Variants in RIN2 observed in about 807,000 individuals in gnomAD.
RIN2 encodes the protein RAB5 interacting protein 2.
In RIN2, 36 loss-of-function variants were observed where a neutral mutation model predicts 78.0. The ratio of observed to expected loss-of-function variants is 0.46; its 90% CI spans 0.35 to 0.61. The LOEUF is 0.61. Ranked by LOEUF, RIN2 falls within the 20% of genes least tolerant of loss-of-function variation. RIN2 has a pLI of 0.00. For synonymous variants in RIN2, 466 were observed against 466.8 expected (o/e 1.00, Z 0.02); for missense variants, 1,087 against 1,159.7 (o/e 0.94, Z 0.91).
Position 20,001,043 on chromosome 20 carries a change from C to G in RIN2, c.*107C>G, listed in dbSNP as rs2043129406. On this transcript the variant is annotated 3_prime_UTR_variant, in exon 13 of 13. Transcript: ENST00000255006. ...AAAGCAGTCACCTCCTCGGGGACCC[C>G]TCAGTGTAGTGACTAAGCCATCCAC... The G allele has an allele frequency of 1.8e-6, 2 of 1,094,122 alleles. No homozygotes were observed. The highest frequency in any genetic ancestry group is 2.6e-6 in the Non-Finnish European group (2 of 778,050). The allele number at this position is 1,094,122 out of a possible 1,614,324, so 67.8% of individuals were successfully genotyped here. A position where few individuals can be genotyped will look rare whatever the true frequency, so the allele number is the denominator to read the frequency against.
At chr20:19,966,566 C>T (rs945334020) in intron 7 of RIN2, among the ~76,000 whole-genome samples, 11 of 152,006 alleles carry the variant, frequency 7.2e-5, no homozygotes, top group South Asian at 4.2e-4. Context: ...TCAGGCAATC[C>T]GCCCGCCTCC....
chr20:19,773,219 T>C (rs754931762), intron 1 of RIN2, among the ~76,000 whole-genome samples: 4 of 152,204 alleles, frequency 2.6e-5, no homozygotes, highest in Non-Finnish European at 4.4e-5. Context: ...TCCCCTTTCC[T>C]GTTGGATTGG....
chr20:19,993,493 G>A (rs2042861007), intron 11 of RIN2, among the ~76,000 whole-genome samples: 1 of 151,998 alleles, frequency 6.6e-6, no homozygotes, highest in Non-Finnish European at 1.5e-5. Flanking sequence ...CTTGGAGCCC[G>A]ATTATGCCCT....
intron 2 of RIN2, chr20:19,886,410 A>G (rs556710561): frequency 1.9e-5 from 7 of 361,278 alleles, no homozygotes; most frequent in South Asian, 9.0e-5. Context: ...GAAAGCCACC[A>G]CTGAGTTTAC....
At chr20:19,933,177 T>G (rs183861583) in intron 3 of RIN2, among the ~76,000 whole-genome samples, 2 of 152,316 alleles carry the variant, frequency 1.3e-5, no homozygotes, top group Admixed American at 1.3e-4. Context: ...GGTGATCGGT[T>G]TAGACCATAA....
intron 4 of RIN2, among the ~76,000 whole-genome samples, chr20:19,943,167 G>A (rs1318745849): frequency 6.6e-6 from 1 of 152,206 alleles, no homozygotes; most frequent in African/African-American, 2.4e-5. Flanking sequence ...AGGACAACAG[G>A]TTCTTTGTTC....
At chr20:19,820,185 T>A (rs1454972362) in intron 2 of RIN2, among the ~76,000 whole-genome samples, 2 of 152,232 alleles carry the variant, frequency 1.3e-5, no homozygotes, top group African/African-American at 4.8e-5. Flanking sequence ...ATTTTAACCT[T>A]GTTTTGTGAC....
intron 2 of RIN2, among the ~76,000 whole-genome samples, chr20:19,839,210 T>C (rs1203382113): frequency 6.6e-6 from 1 of 152,214 alleles, no homozygotes; most frequent in Non-Finnish European, 1.5e-5. Context: ...GAAAAGCTAC[T>C]GTGCACAAAG....
chr20:19,963,481 T>C (rs1210597200), intron 6 of RIN2, among the ~76,000 whole-genome samples: 3 of 151,592 alleles, frequency 2.0e-5, no homozygotes, highest in Non-Finnish European at 4.4e-5. Context: ...TGGTGGTACA[T>C]GCCTGTAATC....
intron 3 of RIN2, among the ~76,000 whole-genome samples, chr20:19,925,086 G>T: frequency 8.8e-6 from 1 of 113,730 alleles, no homozygotes. Context: ...CAGCCTTTGG[G>T]TAAATTTGTG....
chr20:20,001,577 C>T lies in RIN2; in HGVS notation c.*641C>T, dbSNP rs1181105583. On this transcript the variant is annotated 3_prime_UTR_variant, in exon 13 of 13. Coordinates refer to ENST00000255006, the MANE Select transcript of RIN2 (RefSeq NM_018993.4). ...TGAGAGTATTGCATTTTTAAAGTCT[C>T]TCTTCTGTAACTGGATGTTTTGGCA... is the stretch of plus-strand genomic sequence containing the variant. 2 of 152,474 alleles carry T rather than the reference C, an allele frequency of 1.3e-5. No individual in the cohort carries two copies. The highest frequency in any genetic ancestry group is 2.9e-5 in the Non-Finnish European group (2 of 68,012). 9.4% of individuals were successfully genotyped at this position (152,474 alleles called of 1,614,324 possible). A position where few individuals can be genotyped will look rare whatever the true frequency, so the allele number is the denominator to read the frequency against.
intron 4 of RIN2, among the ~76,000 whole-genome samples, chr20:19,942,296 A>C (rs16981348): frequency 0.013 from 1,965 of 152,276 alleles, 57 homozygotes; most frequent in African/African-American, 0.044. Flanking sequence ...AGATGTCCCA[A>C]GAACCTCAGG....
intron 3 of RIN2, among the ~76,000 whole-genome samples, chr20:19,898,178 A>G (rs2038821652): frequency 2.0e-5 from 3 of 152,266 alleles, no homozygotes. Flanking sequence ...TCATGGTTTT[A>G]TAAATGGTTT....
chr20:19,986,879 T>C (rs2042638347), intron 9 of RIN2, among the ~76,000 whole-genome samples: 1 of 152,260 alleles, frequency 6.6e-6, no homozygotes, highest in Non-Finnish European at 1.5e-5. Context: ...TTTACACACA[T>C]GCACACCCAT....
intron 2 of RIN2, among the ~76,000 whole-genome samples, chr20:19,803,162 C>G (rs935893235): frequency 6.6e-6 from 1 of 152,188 alleles, no homozygotes; most frequent in African/African-American, 2.4e-5. Flanking sequence ...TCTTCATTCT[C>G]TTTTACCTGT....
intron 1 of RIN2, among the ~76,000 whole-genome samples, chr20:19,767,270 GTC>G (rs1303194311): frequency 1.3e-5 from 2 of 152,166 alleles, no homozygotes; most frequent in African/African-American, 4.8e-5. Flanking sequence ...ATTCCTCCTG[GTC>G]TCTCTGAGCA....
At chr20:19,922,844 G>A (rs1195914699) in intron 3 of RIN2, among the ~76,000 whole-genome samples, 2 of 152,090 alleles carry the variant, frequency 1.3e-5, no homozygotes, top group East Asian at 1.9e-4. Flanking sequence ...TGCAGCATTC[G>A]TTTAAACCAT....
chr20:19,829,251 G>A (rs1487504904), intron 2 of RIN2, among the ~76,000 whole-genome samples: 1 of 152,106 alleles, frequency 6.6e-6, no homozygotes, highest in African/African-American at 2.4e-5. Context: ...CAGAAGAGAA[G>A]ATGAGCAGTT....
intron 4 of RIN2, among the ~76,000 whole-genome samples, chr20:19,937,373 C>A (rs532740498): frequency 4.6e-5 from 7 of 152,198 alleles, no homozygotes. Flanking sequence ...TGGCTCTGCA[C>A]GTCTGACGGC....
Sources: gnomAD v4.1 joint callset for allele counts (sites outside exome capture counted in the v4.1 genomes callset) on GRCh38, gnomAD v4.1.1 for gene constraint, MANE v1.5 for transcripts, NCBI Gene and HGNC (gene_info 2026-07-23, HGNC 2026-07-21) for gene names.